Variants in OTUD7A observed in about 807,000 individuals in gnomAD.
OTUD7A encodes OTU deubiquitinase 7A.
Under a neutral mutation model 65.7 loss-of-function variants are expected in OTUD7A, and 12 were observed. The observed-to-expected ratio is 0.18, with a 90% CI of 0.12 to 0.30. OTUD7A has a LOEUF of 0.30. Among genes scored for constraint, OTUD7A ranks in the 10% least tolerant of loss-of-function variants. OTUD7A has a pLI of 1.00. For missense variants in OTUD7A, 1,148 were observed against 1,304.8 expected (o/e 0.88, Z 1.85); for synonymous variants, 641 against 586.3 (o/e 1.09, Z -1.35).
rs371442826 is a variant in OTUD7A at position 31,562,323 on chromosome 15, G to A, written c.332-3136C>T. Among the ~76,000 whole-genome samples, 19 of 152,328 alleles carry A rather than the reference G, an allele frequency of 1.2e-4. 2 individuals carry two copies. Among genetic ancestry groups the A allele is most frequent in the Admixed American group, 9.8e-4 (15 of 15,310 alleles). On this transcript the variant is annotated intron_variant, in intron 4 of 12. Transcript: ENST00000307050. Reference sequence around the variant, plus strand: ...CTCTCCAGCTGGCTCTTACTCTCCAGGAGGCAACGTTCCTTTGCCCTAAGC... The same window carrying A: ...CTCTCCAGCTGGCTCTTACTCTCCAAGAGGCAACGTTCCTTTGCCCTAAGC...
chr15:31,612,797 T>C (rs894055043), intron 3 of OTUD7A, among the ~76,000 whole-genome samples: 2 of 152,132 alleles, frequency 1.3e-5, no homozygotes, highest in African/African-American at 4.8e-5. Flanking sequence ...AAAACAATTC[T>C]AAAATTCATA....
chr15:31,816,848 G>A lies in OTUD7A; in HGVS notation c.-100+53659C>T, dbSNP rs148721011. 5.9e-5 allele frequency among the ~76,000 whole-genome samples: 9 copies of A among 152,268 alleles called. No individual in the cohort carries two copies. In the East Asian group the frequency reaches 1.7e-3, roughly 29 times the overall value. On this transcript the variant is annotated intron_variant, in intron 1 of 12. Transcript: ENST00000307050. ...TGTTATGTTTTTCATATGCACTCATGCCTGCGTGTCCCATGGGAAGGGCGT... is the reference window on the plus strand; with the variant it reads ...TGTTATGTTTTTCATATGCACTCATACCTGCGTGTCCCATGGGAAGGGCGT...
chr15:31,596,587 T>C (rs538305442), intron 3 of OTUD7A, among the ~76,000 whole-genome samples: 102 of 152,224 alleles, frequency 6.7e-4, no homozygotes, highest in Non-Finnish European at 1.4e-3. Context: ...GGTTTTATTA[T>C]TTTGCCTTTG....
Position 31,483,190 on chromosome 15 carries a change from G to A in OTUD7A, c.*104C>T, listed in dbSNP as rs926968166. The A allele has an allele frequency of 1.6e-5, 16 of 1,002,110 alleles. No individual in the cohort carries two copies. The highest frequency in any genetic ancestry group is 4.7e-4 in the Middle Eastern group (1 of 2,136). 62.1% of individuals were successfully genotyped at this position (1,002,110 alleles called of 1,614,324 possible). On this transcript the variant is annotated 3_prime_UTR_variant, in exon 13 of 13. Transcript: ENST00000307050. The stretch of plus-strand genomic sequence containing the variant: ...ACACGTACACGGCACTGACAGAGGA[G>A]GCGCCGGCCTTCCGGTGGACCAGGG...
intron 1 of OTUD7A, chr15:31,787,424 C>T (rs1196698797): frequency 6.6e-6 from 1 of 152,186 alleles, no homozygotes; most frequent in African/African-American, 2.4e-5. Flanking sequence ...TATACATCTC[C>T]TACTCTCCAT....
At chr15:31,753,820 T>C (rs1193047981) in intron 1 of OTUD7A, among the ~76,000 whole-genome samples, 1 of 150,644 alleles carries the variant, frequency 6.6e-6, no homozygotes, top group African/African-American at 2.4e-5. Context: ...ATTGTGCTGC[T>C]ATAAACACAC....
In OTUD7A at chr15:31,510,561, C is replaced by CATAT. The variant is rs1555391522; in HGVS notation, c.894-6747_894-6744dup. Among the ~76,000 whole-genome samples the CATAT allele has an allele frequency of 1.6e-4, 9 of 57,548 alleles. 2 individuals carry two copies. The highest frequency in any genetic ancestry group is 5.4e-4 in the Admixed American group (3 of 5,526). 37.8% of individuals were successfully genotyped at this position (57,548 alleles called of 152,430 possible). A position where few individuals can be genotyped will look rare whatever the true frequency, so the allele number is the denominator to read the frequency against. The stretch of plus-strand genomic sequence containing the variant: ...CATATGTATATCTATATGTAACATA[C>CATAT]ATATGTATATCTATATGTAACATAC... On this transcript the variant is annotated intron_variant, in intron 8 of 12. Transcript: ENST00000307050.
chr15:31,664,898 C>T (rs1435917056), intron 1 of OTUD7A, among the ~76,000 whole-genome samples: 4 of 152,106 alleles, frequency 2.6e-5, no homozygotes, highest in African/African-American at 7.2e-5. Context: ...ATCCCAGCAT[C>T]GTTTGCTCAA....
intron 3 of OTUD7A, among the ~76,000 whole-genome samples, chr15:31,646,870 A>G (rs1025249602): frequency 1.3e-5 from 2 of 152,172 alleles, no homozygotes; most frequent in Non-Finnish European, 2.9e-5. Context: ...GAAGGAAATA[A>G]GATCTACTTA....
chr15:31,684,424 T>C (rs1376079008), intron 1 of OTUD7A, among the ~76,000 whole-genome samples: 1 of 152,084 alleles, frequency 6.6e-6, no homozygotes, highest in African/African-American at 2.4e-5. Context: ...GGACTTAAAA[T>C]AACACATATT....
At chr15:31,838,239 C>T (rs1201608059) in intron 1 of OTUD7A, among the ~76,000 whole-genome samples, 1 of 152,194 alleles carries the variant, frequency 6.6e-6, no homozygotes, top group African/African-American at 2.4e-5. Flanking sequence ...ACGCTAGTCA[C>T]TTTTTTTAAA....
chr15:31,570,848 C>A (rs1436177803), intron 3 of OTUD7A, among the ~76,000 whole-genome samples: 2 of 152,144 alleles, frequency 1.3e-5, no homozygotes, highest in Admixed American at 6.5e-5. Flanking sequence ...CACAGCTACA[C>A]TGGGGAGTTG....
chr15:31,767,730 C>T (rs1310356350), intron 1 of OTUD7A: 11 of 711,430 alleles, frequency 1.5e-5, no homozygotes, highest in Admixed American at 2.1e-5. Context: ...TTTATTTTCT[C>T]GGCATTTTCC....
At chr15:31,611,980 G>A (rs1340598402) in intron 3 of OTUD7A, among the ~76,000 whole-genome samples, 1 of 152,162 alleles carries the variant, frequency 6.6e-6, no homozygotes, top group African/African-American at 2.4e-5. Flanking sequence ...TACCAGGAAT[G>A]CAGAAACGAT....
At chr15:31,631,771 G>A (rs1891166015) in intron 3 of OTUD7A, among the ~76,000 whole-genome samples, 1 of 152,094 alleles carries the variant, frequency 6.6e-6, no homozygotes, top group South Asian at 2.1e-4. Flanking sequence ...CATATTTCTT[G>A]GAGGCTTTGT....
Position 31,584,012 on chromosome 15 carries a change from G to A in OTUD7A, c.152-13815C>T, listed in dbSNP as rs138256859. 4.0e-3 allele frequency among the ~76,000 whole-genome samples: 608 copies of A among 152,312 alleles called. 5 individuals are homozygous for A. Among genetic ancestry groups the A allele is most frequent in the Non-Finnish European group, 5.2e-3 (356 of 68,024 alleles). On this transcript the variant is annotated intron_variant, in intron 3 of 12. Transcript: ENST00000307050. ...AAAACAGAGCACAGAGATGAGATGA[G>A]GTCTCTGTCAGTGCAGGCAAATCAA... is the stretch of plus-strand genomic sequence containing the variant.
At chr15:31,757,923 C>G (rs183477402) in intron 1 of OTUD7A, among the ~76,000 whole-genome samples, 1 of 152,258 alleles carries the variant, frequency 6.6e-6, no homozygotes, top group African/African-American at 2.4e-5. Flanking sequence ...ACAGATGTGG[C>G]AAGATCTGTG....
chr15:31,646,441 C>T (rs1891668064), intron 3 of OTUD7A, among the ~76,000 whole-genome samples: 1 of 149,680 alleles, frequency 6.7e-6, no homozygotes, highest in African/African-American at 2.5e-5. Context: ...CCCTTTCTTT[C>T]CTTCTTTCTT....
chr15:31,539,461 T>C lies in OTUD7A; in HGVS notation c.551-8653A>G, dbSNP rs538202984. Among the ~76,000 whole-genome samples, 618 of 152,282 alleles carry C rather than the reference T, an allele frequency of 4.1e-3. 7 individuals are homozygous for C. The highest frequency in any genetic ancestry group is 0.014 in the African/African-American group (584 of 41,562). On this transcript the variant is annotated intron_variant, in intron 5 of 12. Transcript: ENST00000307050. ...TGAGATATGACCATTGTACGTGAAC[T>C]GGCTGGGAATCTTAAAATATCCATT... is the stretch of plus-strand genomic sequence containing the variant.
Sources: gnomAD v4.1 joint callset for allele counts (sites outside exome capture counted in the v4.1 genomes callset) on GRCh38, gnomAD v4.1.1 for gene constraint, MANE v1.5 for transcripts, NCBI Gene and HGNC (gene_info 2026-07-23, HGNC 2026-07-21) for gene names.